The following UBXN11 variants were observed in gnomAD, a reference collection of about 807,000 sequenced individuals.
UBXN11 encodes UBX domain protein 11.
UBXN11 carries 47 observed loss-of-function variants against 62.8 expected under a neutral mutation model. That is an observed-to-expected ratio of 0.75 (90% CI 0.59 to 0.95). The LOEUF is 0.95. Ranked by LOEUF, UBXN11 falls within the 40% of genes least tolerant of loss-of-function variation. The pLI, the probability that UBXN11 is intolerant of heterozygous loss-of-function variation, is 0.00. For synonymous variants in UBXN11, 294 were observed against 267.0 expected, an observed-to-expected ratio of 1.10 and a Z score of -0.99; for missense variants, 638 against 661.7, an observed-to-expected ratio of 0.96 and a Z score of 0.39.
chr1:26,302,837 A>G lies in UBXN11; in HGVS notation c.47T>C (p.Leu16Pro). The G allele has an allele frequency of 6.2e-7, 1 of 1,613,860 alleles. No homozygotes were observed. The highest frequency in any genetic ancestry group is 1.1e-5 in the South Asian group (1 of 91,062). Residue 16 changes from leucine (L) to proline (P), a missense_variant, in exon 2 of 15, where the codon CTG (leucine) becomes CCG (proline). Physicochemically the swap from Leu to Pro is moderately conservative, Grantham distance 98 (BLOSUM62 -3). Transcript: ENST00000374222. ...ASLSKTRKVP[L>P]PSEPMNPGRR... ...CCCAGGATTCATAGGCTCCGAGGGCAGGGGCACTTTTCGGGTCTTGCTAAG... is the reference window on the plus strand; with the variant it reads ...CCCAGGATTCATAGGCTCCGAGGGCGGGGGCACTTTTCGGGTCTTGCTAAG...
Position 26,282,328 on chromosome 1 carries a change from A to AGGGACTGGGACCGGGACC in UBXN11, c.1533_1534insGGTCCCGGTCCCAGTCCC (p.Gly506_Pro511dup). On this transcript the variant is annotated inframe_insertion, in exon 15 of 15. Transcript: ENST00000374222. ...TGGGGGCTGGGACTGGGTCCAGGAC[A>AGGGACTGGGACCGGGACC]GGGACTGGGGCCGGGACCGGGACCG... 3 of 776,108 alleles carry AGGGACTGGGACCGGGACC rather than the reference A, an allele frequency of 3.9e-6. No homozygotes were observed. The highest frequency in any genetic ancestry group is 5.0e-6 in the Non-Finnish European group (3 of 604,532). 48.1% of individuals were successfully genotyped at this position (776,108 alleles called of 1,614,324 possible).
rs370070162 is a variant in UBXN11 at position 26,314,913 on chromosome 1, C to T, written c.-149+3134G>A. Among the ~76,000 whole-genome samples, 99 of 152,226 alleles carry T rather than the reference C, an allele frequency of 6.5e-4. 1 individual carries two copies. The highest frequency in any genetic ancestry group is 2.2e-3 in the African/African-American group (93 of 41,516). The stretch of plus-strand genomic sequence containing the variant: ...GTCTGGGCAACATAGCAAAACTCCA[C>T]CCTCCACCACCCCAAAAATTAGCTG... On this transcript the variant is annotated intron_variant, in intron 1 of 14. Coordinates refer to the UBXN11 transcript ENST00000374217.
chr1:26,302,234 G>A (rs1041882247), intron 2 of UBXN11, among the ~76,000 whole-genome samples: 1 of 151,978 alleles, frequency 6.6e-6, no homozygotes, highest in African/African-American at 2.4e-5. Context: ...GTTATAGCAT[G>A]CGCCTGTAGT....
chr1:26,311,282 G>C (rs2073742549), upstream of UBXN11, among the ~76,000 whole-genome samples: 1 of 151,682 alleles, frequency 6.6e-6, no homozygotes, highest in African/African-American at 2.4e-5. Context: ...GCGATTACAG[G>C]TGCCCACCAC....
Position 26,299,739 on chromosome 1 carries a change from T to A in UBXN11, c.199+1187A>T, listed in dbSNP as rs369049245. Among the ~76,000 whole-genome samples the A allele has an allele frequency of 1.1e-3, 166 of 152,068 alleles. 1 individual carries two copies. The highest frequency in any genetic ancestry group is 3.9e-3 in the African/African-American group (161 of 41,496). ...TCTGTTACCTTGGTAGGGACAGATA[T>A]TGGCTGGGAGTGGGAGAGGAGGGGA... On this transcript the variant is annotated intron_variant, in intron 4 of 14. Coordinates refer to ENST00000374222, the MANE Select transcript of UBXN11 (RefSeq NM_001389556.1).
chr1:26,286,127 A>T, intron 8 of UBXN11, 90 bp from the exon 9 acceptor site: 1 of 1,259,522 alleles, frequency 7.9e-7, no homozygotes, highest in Non-Finnish European at 1.1e-6. Context: ...CAAGCTGGGC[A>T]GTGGTCTTAA....
At chr1:26,290,941 C>T (rs1475420830) in intron 8 of UBXN11, among the ~76,000 whole-genome samples, 1 of 152,140 alleles carries the variant, frequency 6.6e-6, no homozygotes, top group Non-Finnish European at 1.5e-5. Flanking sequence ...AGGACTGTCC[C>T]TTTCATGTCT....
intron 1 of UBXN11, among the ~76,000 whole-genome samples, chr1:26,313,583 C>T (rs2073763604): frequency 6.6e-6 from 1 of 152,156 alleles, no homozygotes. Context: ...GTGCCTAGTT[C>T]AGTACCTGGT....
At chr1:26,316,125 AT>A (rs57889417) in intron 1 of UBXN11, among the ~76,000 whole-genome samples, 9,190 of 91,438 alleles carry the variant, frequency 0.1, 659 homozygotes, top group East Asian at 0.47. Context: ...TGCCCGGCTA[AT>A]TTTTTTTTTT....
chr1:26,301,064 G>A lies in UBXN11; in HGVS notation c.101-40C>T, dbSNP rs745743707. The A allele has an allele frequency of 7.4e-6, 12 of 1,613,536 alleles. No homozygotes were observed. In the African/African-American group the frequency reaches 1.1e-4, roughly 14 times the overall value. On this transcript the variant is annotated intron_variant, in intron 3 of 14. Coordinates refer to ENST00000374222, the MANE Select transcript of UBXN11 (RefSeq NM_001389556.1). The stretch of plus-strand genomic sequence containing the variant: ...GCCTAGGTCACCGCTCTGGGGCGGA[G>A]ACCCAGAGGAAACTCAGGCCCTGGG...
rs151118025 is a variant in UBXN11 at position 26,282,878 on chromosome 1, G to A, written c.1137C>T (p.Ala379=). ...QEIVVETPTL[A]AERERSQESP... ...CCCGCCCTCACCTCTCTCGCTCAGC[G>A]GCCAAGGTGGGCGTCTCCACCACAA... Residue 379 remains alanine (A), a synonymous_variant, in exon 13 of 15, where the codon GCC becomes GCT. Coordinates refer to ENST00000374222, the MANE Select transcript of UBXN11 (RefSeq NM_001389556.1). 20 of 1,614,126 alleles carry A rather than the reference G, an allele frequency of 1.2e-5. 1 individual carries two copies. The highest frequency in any genetic ancestry group is 6.7e-5 in the East Asian group (3 of 44,882).
chr1:26,313,208 A>G (rs950691940), intron 1 of UBXN11, among the ~76,000 whole-genome samples: 2 of 152,060 alleles, frequency 1.3e-5, no homozygotes, highest in Non-Finnish European at 2.9e-5. Context: ...ATTCCATTCT[A>G]TCATTGACCA....
chr1:26,314,204 T>C (rs1371265636), intron 1 of UBXN11, among the ~76,000 whole-genome samples: 4 of 152,214 alleles, frequency 2.6e-5, no homozygotes, highest in Non-Finnish European at 5.9e-5. Flanking sequence ...TCTGGATCTT[T>C]TGTATAACTT....
At chr1:26,288,071 T>G (rs189716833) in intron 8 of UBXN11, among the ~76,000 whole-genome samples, 1 of 147,404 alleles carries the variant, frequency 6.8e-6, no homozygotes, top group East Asian at 1.9e-4. Flanking sequence ...CCCTGCTAAT[T>G]AATTTAAAAA....
intron 8 of UBXN11, among the ~76,000 whole-genome samples, chr1:26,291,074 TC>T (rs2073252227): frequency 6.6e-6 from 1 of 151,700 alleles, no homozygotes; most frequent in Non-Finnish European, 1.5e-5. Context: ...TCCCTAGGAG[TC>T]CCAGGCTCCA....
chr1:26,299,790 A>C (rs1332888523), intron 4 of UBXN11, among the ~76,000 whole-genome samples: 1 of 152,062 alleles, frequency 6.6e-6, no homozygotes, highest in East Asian at 1.9e-4. Context: ...GGGAGAGGAC[A>C]CCTGGAGCTC....
At chr1:26,309,795 T>G (rs2073723217), upstream of UBXN11, among the ~76,000 whole-genome samples, 1 of 152,036 alleles carries the variant, frequency 6.6e-6, no homozygotes, top group Non-Finnish European at 1.5e-5. Flanking sequence ...ACTAATAGAA[T>G]CTACCTCCTA....
intron 8 of UBXN11, 43 bp downstream of exon 8, chr1:26,294,162 G>A: frequency 1.2e-6 from 2 of 1,609,166 alleles, no homozygotes; most frequent in Non-Finnish European, 1.7e-6. Context: ...AACTGTTGGA[G>A]AATTCCTTTT....
rs2073295756 is a variant in UBXN11, at chr1:26,292,606, A to G, written c.559+1599T>C. On this transcript the variant is annotated intron_variant, in intron 8 of 14. Transcript: ENST00000374222. ...CGCGGTGGCTCACACCTGTAATCCC[A>G]GCACTTTGGGATGCCGAGGCGGGAA... is the stretch of plus-strand genomic sequence containing the variant. Among the ~76,000 whole-genome samples, 3 of 152,224 alleles carry G rather than the reference A, an allele frequency of 2.0e-5. No individual in the cohort carries two copies. In the South Asian group the frequency reaches 6.2e-4, roughly 31 times the overall value.
Sources: allele counts gnomAD v4.1 joint callset (sites outside exome capture counted in the v4.1 genomes callset), GRCh38; gene constraint gnomAD v4.1.1; transcripts MANE v1.5; gene names NCBI Gene and HGNC (gene_info 2026-07-23, HGNC 2026-07-21).